SGSH: variants seen among roughly 807,000 people sequenced by gnomAD.
SGSH encodes N-sulfoglucosamine sulfohydrolase.
In SGSH, 48 loss-of-function variants were observed where a neutral mutation model predicts 51.0. The ratio of observed to expected loss-of-function variants is 0.94; its 90% CI spans 0.75 to 1.20. The LOEUF is 1.20. Ranked by LOEUF, SGSH falls within the 50% of genes most tolerant of loss-of-function variation. SGSH has a pLI of 0.00. For synonymous variants in SGSH, 321 were observed against 313.4 expected (o/e 1.02, Z -0.26); for missense variants, 662 against 717.8 (o/e 0.92, Z 0.89).
At chr17:80,201,418 T>G in the SGSH span, 1 of 314,650 alleles carries the variant, frequency 3.2e-6, no homozygotes, top group South Asian at 2.9e-5. The surrounding 1 kb of genome is among the most constrained non-coding windows in gnomAD (Gnocchi z 5.0). Context: ...AGAATGCTCT[T>G]GAATGTTCTA....
At position 80,220,297 on chromosome 17, in the gene SGSH, G is replaced by A; in HGVS notation, c.17C>T (p.Pro6Leu). Residue 6 changes from proline (P) to leucine (L), a missense_variant, in exon 1 of 8, where the codon CCC becomes CTC. By Grantham distance (98) the Pro-to-Leu change is moderately conservative. Coordinates refer to ENST00000326317, the MANE Select transcript of SGSH (RefSeq NM_000199.5). Reference protein sequence around the residue: MSCPVPACCALLLVLG... With the variant: MSCPVLACCALLLVLG... ...GACTAGCAGCAGCGCGCAGCAGGCG[G>A]GCACGGGGCAGCTCATGGCGGCGGC... 6.6e-7 allele frequency: 1 copy of A among 1,516,638 alleles called. No homozygotes were observed. The highest frequency in any genetic ancestry group is 8.8e-7 in the Non-Finnish European group (1 of 1,139,128). 93.9% of individuals were successfully genotyped at this position (1,516,638 alleles called of 1,614,324 possible). A position where few individuals can be genotyped will look rare whatever the true frequency, so the allele number is the denominator to read the frequency against.
chr17:80,208,361 C>T (rs575705151), downstream of SGSH: 424 of 1,570,672 alleles, frequency 2.7e-4, 2 homozygotes, highest in African/African-American at 5.2e-3. Context: ...CGTGCCCCTT[C>T]CCGGGACTGT....
Position 80,220,316 on chromosome 17 carries a change from C to A in SGSH, c.-3G>T. 6.7e-7 allele frequency: 1 copy of A among 1,487,780 alleles called. No homozygotes were observed. The allele number at this position is 1,487,780 out of a possible 1,614,324, so 92.2% of individuals were successfully genotyped here. ...CAGGCGGGCACGGGGCAGCTCATGG[C>A]GGCGGCGGCTCGGACTCGGGATCGG... is the stretch of plus-strand genomic sequence containing the variant. On this transcript the variant is annotated 5_prime_UTR_variant, in exon 1 of 8. Coordinates refer to ENST00000326317, the MANE Select transcript of SGSH (RefSeq NM_000199.5).
intron 1 of SGSH, among the ~76,000 whole-genome samples, chr17:80,218,854 T>C (rs1295522734): frequency 6.6e-6 from 1 of 151,884 alleles, no homozygotes; most frequent in East Asian, 1.9e-4. Context: ...GACAGGACTG[T>C]GGACTTAAAG....
chr17:80,207,289 G>A (rs1009656252), downstream of SGSH, among the ~76,000 whole-genome samples: 2 of 152,212 alleles, frequency 1.3e-5, no homozygotes, highest in Admixed American at 6.5e-5. Flanking sequence ...GGTGGCTCAC[G>A]CCTGTAATCC....
chr17:80,211,232 T>G (rs2041652290), intron 7 of SGSH: 1 of 1,361,988 alleles, frequency 7.3e-7, no homozygotes, highest in Admixed American at 2.7e-5. Context: ...ACATTTAGGA[T>G]CCTTCTAAAA....
chr17:80,213,927 CG>C lies in SGSH; in HGVS notation c.664-43del. Reference sequence around the variant, plus strand: ...GGAGCCAGGCTTAGAACAGACAGACCGGGGGAGCGGTGTCCAGCCTTCTCCC... The same window carrying C: ...GGAGCCAGGCTTAGAACAGACAGACCGGGGAGCGGTGTCCAGCCTTCTCCC... On this transcript the variant is annotated intron_variant, in intron 5 of 7. Coordinates refer to ENST00000326317, the MANE Select transcript of SGSH (RefSeq NM_000199.5). The surrounding 1 kb of genome is among the most constrained non-coding windows in gnomAD (Gnocchi z 4.6). 2.1e-6 allele frequency: 3 copies of C among 1,440,462 alleles called. No homozygotes were observed. The highest frequency in any genetic ancestry group is 1.9e-6 in the Non-Finnish European group (2 of 1,050,186). 89.2% of individuals were successfully genotyped at this position (1,440,462 alleles called of 1,614,324 possible).
chr17:80,204,456 T>TC, downstream of SGSH: 4 of 1,015,578 alleles, frequency 3.9e-6, no homozygotes, highest in Non-Finnish European at 5.6e-6. Flanking sequence ...TAGGCCAGGA[T>TC]CTGGTCTTCA....
At chr17:80,207,126 C>G, downstream of SGSH, 3 of 1,451,078 alleles carry the variant, frequency 2.1e-6, no homozygotes, top group Non-Finnish European at 2.9e-6. Flanking sequence ...TTCGAAGCGG[C>G]TCCTGGGCTC....
the SGSH span, chr17:80,201,310 C>G: frequency 1.8e-5 from 3 of 168,960 alleles, no homozygotes; most frequent in African/African-American, 7.2e-5. This position sits in a 1 kb window ranked among gnomAD's most constrained non-coding sequence, Gnocchi z 5.0. Context: ...GCCAGGGCAT[C>G]GGGTAGGTGA....
downstream of SGSH, chr17:80,202,312 A>G (rs1366289923): frequency 6.2e-7 from 1 of 1,613,730 alleles, no homozygotes; most frequent in Non-Finnish European, 8.5e-7. Flanking sequence ...GAGGTCCTGC[A>G]CGTCACCGAC....
At chr17:80,205,446 C>T, downstream of SGSH, 1 of 1,522,724 alleles carries the variant, frequency 6.6e-7, no homozygotes, top group Non-Finnish European at 8.9e-7. Flanking sequence ...TGGCAGGGTT[C>T]ACGGGGACAG....
chr17:80,203,406 A>G (rs2041097840), downstream of SGSH: 1 of 181,160 alleles, frequency 5.5e-6, no homozygotes. This position sits in a 1 kb window ranked among gnomAD's most constrained non-coding sequence, Gnocchi z 4.6. Context: ...TTGCAAACTC[A>G]AGTCCCCTGG....
At chr17:80,208,424 T>G, downstream of SGSH, 1 of 1,324,070 alleles carries the variant, frequency 7.6e-7, no homozygotes, top group Non-Finnish European at 1.0e-6. Flanking sequence ...CCAGGCCCTC[T>G]TGGCACAGCT....
downstream of SGSH, chr17:80,205,284 C>T (rs2041233479): frequency 7.6e-7 from 1 of 1,308,960 alleles, no homozygotes; most frequent in African/African-American, 1.4e-5. Context: ...CCTTCCTCCC[C>T]TTCCTCCCTC....
In SGSH at chr17:80,216,199, C is replaced by T. The variant is rs936834857; in HGVS notation, c.249+833G>A. Among the ~76,000 whole-genome samples the T allele has an allele frequency of 4.6e-5, 7 of 151,290 alleles. No homozygotes were observed. The East Asian group carries it at 5.9e-4, about 13-fold the overall frequency. The stretch of plus-strand genomic sequence containing the variant: ...CAAAAATTAGACAGGCGTGGTGGCG[C>T]GCACCTGTAATCCCAGCTACTCGGG... On this transcript the variant is annotated intron_variant, in intron 2 of 7. Transcript: ENST00000326317.
Position 80,211,018 on chromosome 17 carries a change from G to C in SGSH, c.950-7C>G. On this transcript the variant is annotated splice_region_variant and splice_polypyrimidine_tract_variant and intron_variant, in intron 7 of 7. Coordinates refer to ENST00000326317, the MANE Select transcript of SGSH (RefSeq NM_000199.5). Reference sequence around the variant, plus strand: ...AAGATGGTGGGCGTGAGGTCTGGAAGGGACGCGGCATCTCAGAGCAGCAGA... The same window carrying C: ...AAGATGGTGGGCGTGAGGTCTGGAACGGACGCGGCATCTCAGAGCAGCAGA... 6.3e-7 allele frequency: 1 copy of C among 1,598,344 alleles called. No homozygotes were observed. Among genetic ancestry groups the C allele is most frequent in the Non-Finnish European group, 8.5e-7 (1 of 1,179,800 alleles).
rs1316595130 is a variant in SGSH at position 80,220,301 on chromosome 17, C to G, written c.13G>C (p.Val5Leu). The G allele has an allele frequency of 1.3e-6, 2 of 1,505,462 alleles. No homozygotes were observed. Among genetic ancestry groups the G allele is most frequent in the Non-Finnish European group, 1.8e-6 (2 of 1,133,926 alleles). 93.3% of individuals were successfully genotyped at this position (1,505,462 alleles called of 1,614,324 possible). Residue 5 changes from valine (V) to leucine (L), a missense_variant, in exon 1 of 8, where the codon GTG (valine) becomes CTG (leucine). By Grantham distance (32) the Val-to-Leu change is conservative. Transcript: ENST00000326317. MSCP[V>L]PACCALLLVL... ...AGCAGCAGCGCGCAGCAGGCGGGCA[C>G]GGGGCAGCTCATGGCGGCGGCGGCT...
chr17:80,208,399 G>A, downstream of SGSH: 1 of 1,456,422 alleles, frequency 6.9e-7, no homozygotes, highest in Non-Finnish European at 9.3e-7. Flanking sequence ...TGTTAATGCA[G>A]TCCTGTTCCT....
Sources: gnomAD v4.1 joint callset for allele counts (sites outside exome capture counted in the v4.1 genomes callset) on GRCh38, gnomAD v4.1.1 for gene constraint, Gnocchi (gnomAD v3.1) non-coding constraint, MANE v1.5 for transcripts, NCBI Gene and HGNC (gene_info 2026-07-23, HGNC 2026-07-21) for gene names.